Variants in KSR1 observed in about 807,000 individuals in gnomAD.
KSR1 encodes kinase suppressor of ras 1.
In KSR1, 35 loss-of-function variants were observed where a neutral mutation model predicts 92.9. The ratio of observed to expected loss-of-function variants is 0.38; its 90% CI spans 0.29 to 0.50. The LOEUF (loss-of-function observed/expected upper bound fraction) is 0.50, where lower values mean the gene tolerates loss of function less well. Ranked by LOEUF, KSR1 falls within the 20% of genes least tolerant of loss-of-function variation. The pLI, the probability that KSR1 is intolerant of heterozygous loss-of-function variation, is 0.94. For missense variants in KSR1, 972 were observed against 1,158.5 expected (o/e 0.84, Z 2.34); for synonymous variants, 467 against 472.6 (o/e 0.99, Z 0.15).
rs2070339799 is a variant in KSR1 at position 27,527,199 on chromosome 17, G to T, written c.232-23369G>T. On this transcript the variant is annotated intron_variant, in intron 1 of 20. Transcript: ENST00000644974. ...TCTAGTTCTGAGAAGTATTTGGCAG[G>T]TTTTATAATTTCATTGTTTTGCATT... 1.6e-5 allele frequency: 4 copies of T among 245,140 alleles called. No individual in the cohort carries two copies. In the South Asian group the frequency reaches 2.3e-4, roughly 14 times the overall value. 15.2% of individuals were successfully genotyped at this position (245,140 alleles called of 1,614,324 possible).
intron 1 of KSR1, among the ~76,000 whole-genome samples, chr17:27,461,983 A>G (rs534549881): frequency 5.2e-4 from 73 of 140,248 alleles, no homozygotes; most frequent in African/African-American, 1.8e-3. Context: ...GCCTTTTTAA[A>G]AGGCCATCCT....
At chr17:27,484,970 G>A (rs2068621889) in intron 1 of KSR1, among the ~76,000 whole-genome samples, 1 of 152,180 alleles carries the variant, frequency 6.6e-6, no homozygotes. Flanking sequence ...GTTGGGGATG[G>A]AAGATTATCC....
At chr17:27,510,398 T>A (rs1389630312) in intron 1 of KSR1, among the ~76,000 whole-genome samples, 1 of 152,140 alleles carries the variant, frequency 6.6e-6, no homozygotes, top group Admixed American at 6.5e-5. Flanking sequence ...TGAAGAGTTA[T>A]AAGGACCGAG....
At chr17:27,616,204 C>A (rs1445794034) in intron 18 of KSR1, among the ~76,000 whole-genome samples, 1 of 152,072 alleles carries the variant, frequency 6.6e-6, no homozygotes, top group Non-Finnish European at 1.5e-5. Context: ...TTTATTATTT[C>A]TTTGATAATT....
chr17:27,501,400 A>C (rs2069184206), intron 1 of KSR1, among the ~76,000 whole-genome samples: 1 of 148,176 alleles, frequency 6.7e-6, no homozygotes, highest in Admixed American at 6.8e-5. Context: ...AGGCTGCAGA[A>C]ATTTGCATAA....
At chr17:27,522,146 C>G (rs2070060058) in intron 1 of KSR1, among the ~76,000 whole-genome samples, 1 of 152,152 alleles carries the variant, frequency 6.6e-6, no homozygotes, top group Admixed American at 6.6e-5. Context: ...CAGACCCCAG[C>G]CTTGAGCCCG....
intron 1 of KSR1, among the ~76,000 whole-genome samples, chr17:27,514,078 A>T (rs751874332): frequency 6.6e-6 from 1 of 152,258 alleles, no homozygotes; most frequent in Admixed American, 6.5e-5. Context: ...CGCCTTTGCC[A>T]TAAAGCACTT....
Position 27,517,095 on chromosome 17 carries a change from T to C in KSR1, c.232-33473T>C, listed in dbSNP as rs543420339. Reference sequence around the variant, plus strand: ...TCTTGTGGGAGAAATTTACATTCTGTAGAGAATCCCCTTCCCTTTCTAGGT... The same window carrying C: ...TCTTGTGGGAGAAATTTACATTCTGCAGAGAATCCCCTTCCCTTTCTAGGT... On this transcript the variant is annotated intron_variant, in intron 1 of 20. Transcript: ENST00000644974. 5.9e-5 allele frequency among the ~76,000 whole-genome samples: 9 copies of C among 152,360 alleles called. No individual in the cohort carries two copies. The South Asian group carries it at 1.9e-3, about 32-fold the overall frequency.
intron 1 of KSR1, among the ~76,000 whole-genome samples, chr17:27,491,305 GT>G (rs1385757766): frequency 0.053 from 5 of 94 alleles, no homozygotes. Flanking sequence ...TTTGTTAGTG[GT>G]GTGTGTGTGT....
chr17:27,585,841 A>C, intron 5 of KSR1, 180 bp downstream of exon 5: 1 of 640,656 alleles, frequency 1.6e-6, no homozygotes, highest in Non-Finnish European at 2.9e-6. Flanking sequence ...CCTTAAAGTG[A>C]CTGGCTGGCT....
At chr17:27,558,772 T>C (rs1185448795) in intron 2 of KSR1, among the ~76,000 whole-genome samples, 1 of 151,882 alleles carries the variant, frequency 6.6e-6, no homozygotes, top group African/African-American at 2.4e-5. Context: ...GCTAACCTGA[T>C]AGTGCTGAAG....
chr17:27,457,024 C>A (rs576779034), intron 1 of KSR1, 150 bp downstream of exon 1: 7 of 640,978 alleles, frequency 1.1e-5, no homozygotes, highest in East Asian at 3.0e-5. Flanking sequence ...ATGCGGCAGC[C>A]GGAGGACCCG....
rs200904358 is a variant in KSR1, at chr17:27,563,981, C to CTTTTTTTTTTTTT, written c.372+13286_372+13298dup. ...TATTTGTACAGTTGGTATTCGGTAG[C>CTTTTTTTTTTTTT]TTTTTTTTTTTTTTTTTTTTTTTTT... On this transcript the variant is annotated intron_variant, in intron 2 of 20. Coordinates refer to ENST00000644974, the MANE Select transcript of KSR1 (RefSeq NM_001394583.1). 3.6e-4 allele frequency among the ~76,000 whole-genome samples: 17 copies of CTTTTTTTTTTTTT among 46,892 alleles called. 2 individuals carry two copies. The highest frequency in any genetic ancestry group is 1.2e-3 in the African/African-American group (13 of 10,790). The allele number at this position is 46,892 out of a possible 152,430, so 30.8% of individuals were successfully genotyped here. A position where few individuals can be genotyped will look rare whatever the true frequency, so the allele number is the denominator to read the frequency against.
chr17:27,600,448 A>G (rs1229651724), intron 10 of KSR1, among the ~76,000 whole-genome samples: 3 of 152,142 alleles, frequency 2.0e-5, no homozygotes, highest in African/African-American at 7.2e-5. Context: ...TCAAAAAATA[A>G]ATATATAAAT....
chr17:27,589,946 T>G (rs1302847479), intron 6 of KSR1, among the ~76,000 whole-genome samples: 3 of 152,232 alleles, frequency 2.0e-5, no homozygotes, highest in Non-Finnish European at 4.4e-5. Context: ...ATATGTTTCC[T>G]CCTTTATTTT....
intron 2 of KSR1, among the ~76,000 whole-genome samples, chr17:27,551,664 C>T (rs1374451452): frequency 6.6e-6 from 1 of 151,962 alleles, no homozygotes; most frequent in Admixed American, 6.6e-5. Flanking sequence ...GCATTTAGAA[C>T]ATGGCTAGTC....
chr17:27,460,802 A>C (rs1434349125), intron 1 of KSR1, among the ~76,000 whole-genome samples: 2 of 152,112 alleles, frequency 1.3e-5, no homozygotes, highest in African/African-American at 2.4e-5. Context: ...ATTCCTGCAG[A>C]TTGGGTCCTT....
chr17:27,532,826 A>T (rs2070595572), intron 1 of KSR1, among the ~76,000 whole-genome samples: 1 of 152,170 alleles, frequency 6.6e-6, no homozygotes. Flanking sequence ...TGATGTCTCC[A>T]TCTGCATCAC....
At chr17:27,490,724 C>T (rs2068796793) in intron 1 of KSR1, among the ~76,000 whole-genome samples, 1 of 152,144 alleles carries the variant, frequency 6.6e-6, no homozygotes, top group South Asian at 2.1e-4. Context: ...GCAGCTGACC[C>T]CTGTAAATTA....
Sources: allele counts gnomAD v4.1 joint callset (sites outside exome capture counted in the v4.1 genomes callset), GRCh38; gene constraint gnomAD v4.1.1; transcripts MANE v1.5; gene names NCBI Gene and HGNC (gene_info 2026-07-23, HGNC 2026-07-21).